Variants in CFAP251 observed in about 807,000 individuals in gnomAD.
CFAP251 encodes the protein cilia- and flagella-associated protein 251.
In CFAP251, 93 loss-of-function variants were observed where a neutral mutation model predicts 126.7. The observed-to-expected ratio is 0.73, with a 90% CI of 0.62 to 0.87. The LOEUF is 0.87. Among genes scored for constraint, CFAP251 ranks in the 40% least tolerant of loss-of-function variants. CFAP251 has a pLI of 0.00. For synonymous variants in CFAP251, 503 were observed against 506.9 expected (o/e 0.99, Z 0.10); for missense variants, 1,287 against 1,389.2 (o/e 0.93, Z 1.17).
At position 121,949,005 on chromosome 12, in the gene CFAP251, A is replaced by G. The variant is rs1471465834; in HGVS notation, c.1213A>G (p.Thr405Ala). The change falls in exon 8 of 22, where the codon ACA becomes GCA. Residue 405 changes from threonine (T) to alanine (A), a missense_variant. Physicochemically the swap from Thr to Ala is moderately conservative, Grantham distance 58. Coordinates refer to ENST00000288912, the MANE Select transcript of CFAP251 (RefSeq NM_144668.6). Reference sequence around the variant, plus strand: ...TCAGAACTACGTTACTTTTAACCCAACAAATAATAAAGAATTGGTGAGCAA... The same window carrying G: ...TCAGAACTACGTTACTTTTAACCCAGCAAATAATAAAGAATTGGTGAGCAA... ...GVQNYVTFNP[T>A]NNKELVSNSK... 2.5e-6 allele frequency: 4 copies of G among 1,584,458 alleles called. No homozygotes were observed. The African/African-American group carries it at 4.1e-5, about 16-fold the overall frequency.
intron 8 of CFAP251, chr12:121,951,245 C>G (rs1385608699): frequency 8.0e-6 from 3 of 375,082 alleles, no homozygotes; most frequent in African/African-American, 6.1e-5. Flanking sequence ...ATATAGAACT[C>G]CATCTCAAGA....
chr12:121,918,932 T>TC lies in CFAP251; in HGVS notation c.-21+239dup, dbSNP rs963010475. On this transcript the variant is annotated intron_variant, in intron 1 of 21. Coordinates refer to ENST00000288912, the MANE Select transcript of CFAP251 (RefSeq NM_144668.6). The surrounding 1 kb of genome is among the most constrained non-coding windows in gnomAD (Gnocchi z 4.3). ...AACCCCTGCGGCTCGAACCCGGCTG[T>TC]CCAGACGCGCCGGCGAAGTTGGGCT... 2.8e-4 allele frequency among the ~76,000 whole-genome samples: 43 copies of TC among 152,080 alleles called. No homozygotes were observed. Among genetic ancestry groups the TC allele is most frequent in the African/African-American group, 1.0e-3 (43 of 41,514 alleles).
intron 19 of CFAP251, among the ~76,000 whole-genome samples, chr12:121,981,704 G>A (rs757442089): frequency 3.3e-5 from 5 of 152,196 alleles, no homozygotes; most frequent in Non-Finnish European, 7.3e-5. Flanking sequence ...CGTGCCTCTC[G>A]CAGTTCCTGT....
In CFAP251 at chr12:121,989,632, G is replaced by A. The variant is rs1882829415; in HGVS notation, c.3007-10084G>A. ...GCAGGGGGTGACCAGGGGAGGGTAT[G>A]AGTGAAGATGATGAGTGGGAACAAG... On this transcript the variant is annotated intron_variant, in intron 19 of 21. Transcript: ENST00000288912. The surrounding 1 kb of genome is among the most constrained non-coding windows in gnomAD (Gnocchi z 4.2). 6.6e-6 allele frequency among the ~76,000 whole-genome samples: 1 copy of A among 152,188 alleles called. No individual in the cohort carries two copies. Among genetic ancestry groups the A allele is most frequent in the African/African-American group, 2.4e-5 (1 of 41,454 alleles).
chr12:121,969,188 C>G (rs2135794122), intron 17 of CFAP251: 2 of 985,428 alleles, frequency 2.0e-6, no homozygotes, highest in African/African-American at 1.7e-5. Context: ...GCACATCTTT[C>G]TTTTTATGGC....
rs1278783136 is a variant in CFAP251, at chr12:122,001,056, T to C, written c.3236-441T>C. On this transcript the variant is annotated intron_variant, in intron 20 of 21. Transcript: ENST00000288912. ...GAAAAGTTTTTATTGTTTTTGTTGCTTTTTTTTTTTTTTTTTTTGAGACAG... is the reference window on the plus strand; with the variant it reads ...GAAAAGTTTTTATTGTTTTTGTTGCCTTTTTTTTTTTTTTTTTTGAGACAG... Among the ~76,000 whole-genome samples, 12 of 72,860 alleles carry C rather than the reference T, an allele frequency of 1.6e-4. No homozygotes were observed. In the East Asian group the frequency reaches 5.7e-3, roughly 35 times the overall value. The allele number at this position is 72,860 out of a possible 152,430, so 47.8% of individuals were successfully genotyped here.
chr12:121,943,938 G>A (rs11043257), intron 7 of CFAP251, among the ~76,000 whole-genome samples: 12,149 of 152,040 alleles, frequency 0.08, 928 homozygotes, highest in African/African-American at 0.2. Context: ...CACCCACCTG[G>A]CAGTCTTTCT....
chr12:121,947,573 AC>A (rs1287406621), intron 7 of CFAP251: 2 of 152,056 alleles, frequency 1.3e-5, no homozygotes, highest in Non-Finnish European at 2.9e-5. Context: ...CCAGGCATAC[AC>A]CACAGCGCCT....
At chr12:121,985,786 G>T (rs1421071700) in intron 19 of CFAP251, among the ~76,000 whole-genome samples, 1 of 152,036 alleles carries the variant, frequency 6.6e-6, no homozygotes, top group Non-Finnish European at 1.5e-5. Context: ...TTGTCACATA[G>T]TCTATTGTGT....
At position 121,989,272 on chromosome 12, in the gene CFAP251, G is replaced by T. The variant is rs543176903; in HGVS notation, c.3007-10444G>T. ...GACCTGGGCTCTGATGCAGGGCAGG[G>T]TGACAGTCACTCTAAAGGGCCCTGT... On this transcript the variant is annotated intron_variant, in intron 19 of 21. Transcript: ENST00000288912. The surrounding 1 kb of genome is among the most constrained non-coding windows in gnomAD (Gnocchi z 4.2). Among the ~76,000 whole-genome samples the T allele has an allele frequency of 1.3e-5, 2 of 152,298 alleles. No individual in the cohort carries two copies. Among genetic ancestry groups the T allele is most frequent in the African/African-American group, 4.8e-5 (2 of 41,550 alleles).
rs751543594 is a variant in CFAP251, at chr12:121,975,314, CG to C, written c.2845del (p.Glu949LysfsTer8). 1.2e-6 allele frequency: 2 copies of C among 1,614,054 alleles called. No homozygotes were observed. The highest frequency in any genetic ancestry group is 1.7e-6 in the Non-Finnish European group (2 of 1,180,016). Reference sequence around the variant, plus strand: ...ATTCTATGGTCTGCTGTCTGGTGGCCGGGAAGGAAAATTCTACAGGGTAATT... The same window carrying C: ...ATTCTATGGTCTGCTGTCTGGTGGCCGGAAGGAAAATTCTACAGGGTAATT... Reference protein sequence around the residue: ...TPFYGLLSGGREGKFYRELED... With the variant: ...TPFYGLLSGGXEGKFYRELED... On this transcript the variant is annotated frameshift_variant, in exon 18 of 22. Coordinates refer to ENST00000288912, the MANE Select transcript of CFAP251 (RefSeq NM_144668.6). LOFTEE classifies it high-confidence loss of function.
chr12:121,921,741 A>G, intron 2 of CFAP251, 58 bp downstream of exon 2: 1 of 1,498,230 alleles, frequency 6.7e-7, no homozygotes, highest in Non-Finnish European at 9.0e-7. Flanking sequence ...TTGAATGCTT[A>G]GTATAGGCCA....
intron 9 of CFAP251, chr12:121,953,858 T>G: frequency 2.4e-6 from 1 of 422,484 alleles, no homozygotes; most frequent in Non-Finnish European, 4.2e-6. Flanking sequence ...GTATAAACAG[T>G]GATTAACCAC....
intron 19 of CFAP251, among the ~76,000 whole-genome samples, chr12:121,995,542 G>T (rs1883002777): frequency 6.6e-6 from 1 of 151,788 alleles, no homozygotes; most frequent in Non-Finnish European, 1.5e-5. Flanking sequence ...TCTCACTCTG[G>T]CCCAAGCTGG....
chr12:121,991,692 A>G (rs565524824), intron 19 of CFAP251, among the ~76,000 whole-genome samples: 15 of 152,210 alleles, frequency 9.9e-5, no homozygotes, highest in African/African-American at 3.6e-4. Flanking sequence ...TGGTCCCCAG[A>G]CCAATTAAAT....
chr12:121,992,227 G>C, intron 19 of CFAP251: 2 of 985,442 alleles, frequency 2.0e-6, no homozygotes, highest in Non-Finnish European at 2.4e-6. Context: ...CAGCTCCGAG[G>C]TTCCTCTCCC....
chr12:121,954,958 T>G (rs1340161050), intron 10 of CFAP251, among the ~76,000 whole-genome samples: 3 of 152,240 alleles, frequency 2.0e-5, no homozygotes, highest in African/African-American at 7.2e-5. Flanking sequence ...TTACATGCAT[T>G]AAATGTAAGA....
chr12:121,931,260 C>T (rs1880673061), intron 3 of CFAP251, among the ~76,000 whole-genome samples: 1 of 151,730 alleles, frequency 6.6e-6, no homozygotes, highest in African/African-American at 2.4e-5. Flanking sequence ...ATTAACATGC[C>T]ATAAAATTCA....
At chr12:121,929,408 CTTTT>C (rs60150075) in intron 3 of CFAP251, among the ~76,000 whole-genome samples, 39,265 of 151,458 alleles carry the variant, frequency 0.26, 8,960 homozygotes, top group African/African-American at 0.61. Flanking sequence ...CATCCCTCCT[CTTTT>C]TCACAGTTTT....
Sources: gnomAD v4.1 joint callset for allele counts (sites outside exome capture counted in the v4.1 genomes callset) on GRCh38, gnomAD v4.1.1 for gene constraint, Gnocchi (gnomAD v3.1) non-coding constraint, MANE v1.5 for transcripts, NCBI Gene and HGNC (gene_info 2026-07-23, HGNC 2026-07-21) for gene names.